EIF3A: variants seen among roughly 807,000 people sequenced by gnomAD.
EIF3A encodes eukaryotic translation initiation factor 3 subunit A.
In EIF3A, 21 loss-of-function variants were observed where a neutral mutation model predicts 186.6. The ratio of observed to expected loss-of-function variants is 0.11; its 90% CI spans 0.08 to 0.16. The LOEUF (loss-of-function observed/expected upper bound fraction) is 0.16, where lower values mean the gene tolerates loss of function less well. Among genes scored for constraint, EIF3A ranks in the 10% least tolerant of loss-of-function variants. The probability of loss-of-function intolerance (pLI) is 1.00; values close to 1 mark genes in which losing one functional copy is unlikely to be tolerated. For synonymous variants in EIF3A, 563 were observed against 584.3 expected, an observed-to-expected ratio of 0.96 and a Z score of 0.52; for missense variants, 1,306 against 1,796.3, an observed-to-expected ratio of 0.73 and a Z score of 4.93.
chr10:119,064,943 C>T (rs1035397235), intron 7 of EIF3A, among the ~76,000 whole-genome samples: 1 of 152,142 alleles, frequency 6.6e-6, no homozygotes, highest in Non-Finnish European at 1.5e-5. Flanking sequence ...TTCCTGACCT[C>T]AGGTGATCCA....
chr10:119,074,918 CAAAAAAA>C (rs1170284096), intron 1 of EIF3A, among the ~76,000 whole-genome samples: 36 of 24,156 alleles, frequency 1.5e-3, no homozygotes, highest in African/African-American at 4.8e-3. Context: ...AACTCCAACT[CAAAAAAA>C]AAAAAAAAAA....
intron 18 of EIF3A, 103 bp downstream of exon 18, chr10:119,043,951 T>A: frequency 1.2e-6 from 1 of 858,800 alleles, no homozygotes. Context: ...CAATTCTTCA[T>A]GGCTCTCCTT....
intron 4 of EIF3A, among the ~76,000 whole-genome samples, chr10:119,072,223 AGT>A (rs1844086987): frequency 7.5e-6 from 1 of 134,040 alleles, no homozygotes; most frequent in Non-Finnish European, 1.6e-5. Flanking sequence ...AAAAAAAAAA[AGT>A]AGAGAACTCA....
Position 119,038,294 on chromosome 10 carries a change from C to T in EIF3A, c.3672G>A (p.Glu1224=), listed in dbSNP as rs145222143. ...CATCTCTCTCTCTGTCCCTTTCTCT[C>T]TCAGGGTCCTTGTCATTCTCCTCCC... ...QDREENDKDP[E]RERDRERDVD... is the part of the protein sequence containing the mutation. The change falls in exon 20 of 22, where the codon GAG becomes GAA. Residue 1224 remains glutamate, a synonymous_variant. Transcript: ENST00000369144. 28 of 1,613,978 alleles carry T rather than the reference C, an allele frequency of 1.7e-5. No individual in the cohort carries two copies. In the African/African-American group the frequency reaches 3.6e-4, roughly 21 times the overall value.
chr10:119,068,355 G>A (rs989309825), intron 6 of EIF3A, among the ~76,000 whole-genome samples: 2 of 152,036 alleles, frequency 1.3e-5, no homozygotes, highest in African/African-American at 4.8e-5. Context: ...TTAATATTTT[G>A]CAATCAGGAA....
At position 119,075,711 on chromosome 10, in the gene EIF3A, CTTTTTTTTTTT is replaced by C. The variant is rs58392465; in HGVS notation, c.50-1785_50-1775del. Among the ~76,000 whole-genome samples the C allele has an allele frequency of 1.7e-4, 11 of 65,294 alleles. No individual in the cohort carries two copies. The East Asian group carries it at 3.9e-3, about 23-fold the overall frequency. 42.8% of individuals were successfully genotyped at this position (65,294 alleles called of 152,430 possible). On this transcript the variant is annotated intron_variant, in intron 1 of 21. Transcript: ENST00000369144. ...ATTGTTTATTTTCCTTGGAAAAAGA[CTTTTTTTTTTT>C]TTTTTTTTTTGGACAGAGTCTTGCT...
chr10:119,061,450 A>G, intron 7 of EIF3A, 122 bp from the exon 8 acceptor site: 2 of 486,456 alleles, frequency 4.1e-6, no homozygotes, highest in East Asian at 3.3e-5. Context: ...TCAAGCCTCA[A>G]CCTCCTCTAA....
In EIF3A at chr10:119,038,384, T is replaced by G; in HGVS notation, c.3582A>C (p.Glu1194Asp). Residue 1194 changes from glutamate (E) to aspartate (D), a missense_variant, in exon 20 of 22, where the codon GAA becomes GAC. Glu to Asp is a conservative substitution (Grantham distance 45). This residue lies in a region of EIF3A where 331 missense variants were observed against 365.8 expected (regional missense o/e 0.90). Transcript: ENST00000369144. ...ATTCACGTTCTTCTGATGGCCTTGA[T>G]TCTCGAGGTGGACCCCAGCTCTCCT... ...AREESWGPPRESRPSEEREWD... is the reference protein window; with the variant it reads ...AREESWGPPRDSRPSEEREWD... The G allele has an allele frequency of 6.2e-7, 1 of 1,614,206 alleles. No individual in the cohort carries two copies. The highest frequency in any genetic ancestry group is 1.1e-5 in the South Asian group (1 of 91,082).
In EIF3A at chr10:119,065,440, G is replaced by T. The variant is rs1173848289; in HGVS notation, c.1081C>A (p.Leu361Ile). 1 of 1,613,710 alleles carries T rather than the reference G, an allele frequency of 6.2e-7. No individual in the cohort carries two copies. Among genetic ancestry groups the T allele is most frequent in the East Asian group, 2.2e-5 (1 of 44,888 alleles). Residue 361 changes from leucine (L) to isoleucine (I), a missense_variant, in exon 7 of 22, where the codon CTT becomes ATT. By Grantham distance (5) the Leu-to-Ile change is conservative. Transcript: ENST00000369144. The stretch of plus-strand genomic sequence containing the variant: ...CCAATTCGTGTCGGTGGGGCTTGAA[G>T]ACCTAGTAGTGTTGCAAGGCGACGC... ...KQRRLATLLG[L>I]QAPPTRIGLI...
rs565907118 is a variant in EIF3A, at chr10:119,065,852, C to G, written c.951-282G>C. 1.8e-3 allele frequency among the ~76,000 whole-genome samples: 269 copies of G among 152,336 alleles called. 2 individuals are homozygous for G. The highest frequency in any genetic ancestry group is 6.1e-3 in the African/African-American group (255 of 41,570). ...TTGTGATTGACCAGGCGCGGTGGCT[C>G]ACGCCTGTAATCCCAGCACTTTGGG... On this transcript the variant is annotated intron_variant, in intron 6 of 21. Coordinates refer to ENST00000369144, the MANE Select transcript of EIF3A (RefSeq NM_003750.4).
intron 11 of EIF3A, among the ~76,000 whole-genome samples, chr10:119,058,896 GAAAT>G (rs1303151115): frequency 6.6e-6 from 1 of 152,004 alleles, no homozygotes; most frequent in Admixed American, 6.6e-5. Context: ...AGAAAAAAAA[GAAAT>G]AACTTAAGCA....
At chr10:119,074,449 G>C (rs1470695694) in intron 1 of EIF3A, among the ~76,000 whole-genome samples, 1 of 143,820 alleles carries the variant, frequency 7.0e-6, no homozygotes, top group African/African-American at 2.6e-5. Context: ...TGGGTGACAA[G>C]AGCGAAATTC....
intron 19 of EIF3A, among the ~76,000 whole-genome samples, chr10:119,039,660 C>T (rs1325744236): frequency 2.0e-5 from 3 of 152,036 alleles, no homozygotes; most frequent in Middle Eastern, 3.4e-3. Context: ...ACAGTGAGGC[C>T]CCACCTCAAA....
chr10:119,075,651 CATAT>C (rs5788328), intron 1 of EIF3A, among the ~76,000 whole-genome samples: 13 of 97,100 alleles, frequency 1.3e-4, no homozygotes, highest in African/African-American at 4.3e-4. Flanking sequence ...TATATATATA[CATAT>C]ATATATATAT....
At chr10:119,044,274 CAT>C in intron 17 of EIF3A, 132 bp from the exon 18 acceptor site, 1 of 660,412 alleles carries the variant, frequency 1.5e-6, no homozygotes. Context: ...TTTAAAATTT[CAT>C]TTATTTTTTA....
chr10:119,036,074 T>C lies in EIF3A; in HGVS notation c.4114A>G (p.Thr1372Ala), dbSNP rs578051436. Residue 1372 changes from threonine (T) to alanine (A), a missense_variant, in exon 22 of 22, where the codon ACT becomes GCT. Transcript: ENST00000369144. ...ACTGTGGTCCATCCATCTTCATCAG[T>C]CTCATTTTTAGTACGACGGAGAGAT... ...RESLRRTKNE[T>A]DEDGWTTVRR 2.9e-4 allele frequency: 468 copies of C among 1,614,124 alleles called. 4 individuals are homozygous for C. In the South Asian group the frequency reaches 5.0e-3, roughly 17 times the overall value.
intron 17 of EIF3A, 31 bp from the exon 18 acceptor site, chr10:119,044,173 C>T (rs370541566): frequency 7.1e-7 from 1 of 1,410,352 alleles, no homozygotes; most frequent in Non-Finnish European, 1.0e-6. Context: ...AGAAGCATTA[C>T]ATTGGTAACC....
chr10:119,078,183 A>C (rs915657409), intron 1 of EIF3A, among the ~76,000 whole-genome samples: 1 of 152,104 alleles, frequency 6.6e-6, no homozygotes, highest in South Asian at 2.1e-4. Flanking sequence ...TGTAGAACAT[A>C]AACTATAATA....
chr10:119,054,400 G>A (rs1410136078), intron 14 of EIF3A, among the ~76,000 whole-genome samples: 1 of 152,012 alleles, frequency 6.6e-6, no homozygotes, highest in Non-Finnish European at 1.5e-5. Flanking sequence ...TGTGTTCACT[G>A]GAGTAGCATT....
Sources: allele counts gnomAD v4.1 joint callset (sites outside exome capture counted in the v4.1 genomes callset), GRCh38; gene constraint gnomAD v4.1.1; regional missense constraint gnomAD v4.1.1; transcripts MANE v1.5; gene names NCBI Gene and HGNC (gene_info 2026-07-23, HGNC 2026-07-21).